DTD1: variants seen among roughly 807,000 people sequenced by gnomAD.
DTD1 encodes the protein D-tyrosyl-tRNA deacylase 1 homolog.
Under a neutral mutation model 25.6 loss-of-function variants are expected in DTD1, and 13 were observed. That is an observed-to-expected ratio of 0.51 (90% CI 0.33 to 0.81). The LOEUF is 0.81. DTD1 is among the 30% of genes least tolerant of loss of function. The pLI is 0.02. For synonymous variants in DTD1, 110 were observed against 103.6 expected (o/e 1.06, Z -0.37); for missense variants, 193 against 266.4 (o/e 0.72, Z 1.92).
intron 4 of DTD1, among the ~76,000 whole-genome samples, chr20:18,738,928 T>C (rs1180696777): frequency 6.6e-6 from 1 of 152,210 alleles, no homozygotes; most frequent in African/African-American, 2.4e-5. Flanking sequence ...CCCATCAACA[T>C]TATGGTCCAG....
At chr20:18,641,916 T>C (rs1039043164) in intron 4 of DTD1, among the ~76,000 whole-genome samples, 9 of 152,346 alleles carry the variant, frequency 5.9e-5, no homozygotes, top group African/African-American at 2.2e-4. Context: ...GCTTTTGATA[T>C]TATATCCAAG....
intron 4 of DTD1, among the ~76,000 whole-genome samples, chr20:18,712,550 G>A (rs374000910): frequency 6.6e-6 from 1 of 152,036 alleles, no homozygotes; most frequent in South Asian, 2.1e-4. Context: ...AGTCAGCATG[G>A]ACCTCGACCC....
intron 4 of DTD1, among the ~76,000 whole-genome samples, chr20:18,729,433 G>A (rs992093573): frequency 3.3e-5 from 5 of 152,192 alleles, no homozygotes; most frequent in Non-Finnish European, 5.9e-5. Flanking sequence ...CCATGGCCCC[G>A]GGGTATTCAG....
chr20:18,685,478 G>C (rs1568668553), intron 4 of DTD1, among the ~76,000 whole-genome samples: 1 of 152,182 alleles, frequency 6.6e-6, no homozygotes, highest in East Asian at 1.9e-4. Context: ...GGGGGGCAGA[G>C]GCGCCAGGAA....
chr20:18,699,061 GGGAAAGT>G (rs1221895524), intron 4 of DTD1, among the ~76,000 whole-genome samples: 28 of 152,316 alleles, frequency 1.8e-4, no homozygotes, highest in African/African-American at 6.5e-4. Context: ...CAGGGAGTTT[GGGAAAGT>G]GGATTTGTGG....
In DTD1 at chr20:18,605,952, C is replaced by T. The variant is rs528616117; in HGVS notation, c.370+9711C>T. 1.0e-4 allele frequency among the ~76,000 whole-genome samples: 15 copies of T among 149,654 alleles called. No individual in the cohort carries two copies. In the East Asian group the frequency reaches 2.9e-3, roughly 29 times the overall value. ...GGGATCTAATTAAACTAAAGTGCTTCTGCACAGCAAAAGAAACTACCATCA... is the reference window on the plus strand; with the variant it reads ...GGGATCTAATTAAACTAAAGTGCTTTTGCACAGCAAAAGAAACTACCATCA... On this transcript the variant is annotated intron_variant, in intron 3 of 5. Coordinates refer to ENST00000377452, the MANE Select transcript of DTD1 (RefSeq NM_080820.6).
At chr20:18,611,375 C>T (rs548071076) in intron 3 of DTD1, among the ~76,000 whole-genome samples, 3 of 152,306 alleles carry the variant, frequency 2.0e-5, no homozygotes, top group Admixed American at 6.5e-5. Flanking sequence ...TGAAAAGGCT[C>T]TGTGAGCCCA....
At chr20:18,734,239 T>C (rs2061248310) in intron 4 of DTD1, among the ~76,000 whole-genome samples, 1 of 152,210 alleles carries the variant, frequency 6.6e-6, no homozygotes, top group African/African-American at 2.4e-5. Flanking sequence ...CGTCCTACCC[T>C]CTGCCACCAG....
intron 4 of DTD1, among the ~76,000 whole-genome samples, chr20:18,647,026 A>C (rs781583770): frequency 1.3e-5 from 2 of 152,212 alleles, no homozygotes; most frequent in Non-Finnish European, 2.9e-5. Flanking sequence ...CAATGGGGGA[A>C]AGGAATTCCA....
intron 3 of DTD1, among the ~76,000 whole-genome samples, chr20:18,623,703 T>TA (rs1277792437): frequency 2.0e-5 from 3 of 152,172 alleles, no homozygotes; most frequent in Admixed American, 6.5e-5. Flanking sequence ...GACAGCCTAT[T>TA]AATGGGCCTC....
At chr20:18,679,635 CT>C (rs1246927141) in intron 4 of DTD1, among the ~76,000 whole-genome samples, 22 of 151,400 alleles carry the variant, frequency 1.5e-4, no homozygotes, top group Admixed American at 1.4e-3. Context: ...GTAATTATCA[CT>C]GCTAGATGTT....
intron 4 of DTD1, among the ~76,000 whole-genome samples, chr20:18,742,974 G>C (rs1295093291): frequency 6.6e-6 from 1 of 152,188 alleles, no homozygotes; most frequent in East Asian, 1.9e-4. Context: ...GATAAAACTG[G>C]GTATTGCTGT....
intron 4 of DTD1, among the ~76,000 whole-genome samples, chr20:18,628,533 C>A (rs1182522299): frequency 6.6e-6 from 1 of 152,096 alleles, no homozygotes; most frequent in Non-Finnish European, 1.5e-5. Context: ...CCCACCTGCC[C>A]CTGGGTGGCA....
chr20:18,659,393 A>G (rs1281817787), intron 4 of DTD1, among the ~76,000 whole-genome samples: 1 of 152,160 alleles, frequency 6.6e-6, no homozygotes, highest in Non-Finnish European at 1.5e-5. Flanking sequence ...CTTTATGAAC[A>G]GCTACAAGTA....
chr20:18,726,859 T>C (rs1238582298), intron 4 of DTD1, among the ~76,000 whole-genome samples: 1 of 152,152 alleles, frequency 6.6e-6, no homozygotes, highest in Non-Finnish European at 1.5e-5. Flanking sequence ...CTTCTTAAGA[T>C]GCTGCTTACT....
At chr20:18,663,967 C>G (rs962083474) in intron 4 of DTD1, among the ~76,000 whole-genome samples, 2 of 152,202 alleles carry the variant, frequency 1.3e-5, no homozygotes, top group African/African-American at 2.4e-5. Flanking sequence ...GATTACAATT[C>G]AAGATGAGAT....
In DTD1 at chr20:18,691,290, T is replaced by G. The variant is rs1162961490; in HGVS notation, c.478-52810T>G. ...TGTACATACCTAAGTGAAAATAGAT[T>G]GTTCTACCAAAAAGACACATGTACT... On this transcript the variant is annotated intron_variant, in intron 4 of 5. Coordinates refer to ENST00000377452, the MANE Select transcript of DTD1 (RefSeq NM_080820.6). Among the ~76,000 whole-genome samples the G allele has an allele frequency of 2.0e-5, 3 of 152,320 alleles. No individual in the cohort carries two copies. The East Asian group carries it at 5.8e-4, about 29-fold the overall frequency.
intron 4 of DTD1, among the ~76,000 whole-genome samples, chr20:18,649,150 C>T (rs1043797870): frequency 6.6e-6 from 1 of 151,714 alleles, no homozygotes; most frequent in Non-Finnish European, 1.5e-5. Flanking sequence ...TCACACATGT[C>T]CTGCCACCAC....
chr20:18,712,086 A>T (rs1568678278), intron 4 of DTD1, among the ~76,000 whole-genome samples: 2 of 151,386 alleles, frequency 1.3e-5, no homozygotes, highest in Non-Finnish European at 2.9e-5. Flanking sequence ...AAAAAAAAAA[A>T]TCTAACTTCT....
Sources: allele counts gnomAD v4.1 joint callset (sites outside exome capture counted in the v4.1 genomes callset), GRCh38; gene constraint gnomAD v4.1.1; transcripts MANE v1.5; gene names NCBI Gene and HGNC (gene_info 2026-07-23, HGNC 2026-07-21).